The following DENND2A variants were observed in gnomAD, a reference collection of about 807,000 sequenced individuals.
DENND2A encodes the protein DENN domain containing 2A, also known as DENN domain-containing protein 2A.
Under a neutral mutation model 105.3 loss-of-function variants are expected in DENND2A, and 53 were observed. The observed-to-expected ratio is 0.50, with a 90% CI of 0.40 to 0.63. The LOEUF (loss-of-function observed/expected upper bound fraction) is 0.63, where lower values mean the gene tolerates loss of function less well. DENND2A is among the 30% of genes least tolerant of loss of function. The pLI, the probability that DENND2A is intolerant of heterozygous loss-of-function variation, is 0.00. For synonymous variants in DENND2A, 522 were observed against 508.4 expected (o/e 1.03, Z -0.36); for missense variants, 1,138 against 1,279.6 (o/e 0.89, Z 1.69).
chr7:140,519,814 T>G (rs1057444532), intron 18 of DENND2A, 96 bp from the exon 19 acceptor site: 2 of 1,113,852 alleles, frequency 1.8e-6, no homozygotes, highest in East Asian at 4.7e-5. Flanking sequence ...GAAACCTTGT[T>G]TCTGAGACTA....
intron 7 of DENND2A, 92 bp downstream of exon 7, chr7:140,569,553 T>A (rs1798003567): frequency 1.0e-5 from 9 of 880,572 alleles, no homozygotes; most frequent in Non-Finnish European, 1.7e-5. Context: ...TTCTCCTCCT[T>A]GGTGAGCCAA....
At chr7:140,589,815 A>G (rs1355155001) in intron 3 of DENND2A, among the ~76,000 whole-genome samples, 1 of 152,108 alleles carries the variant, frequency 6.6e-6, no homozygotes, top group Non-Finnish European at 1.5e-5. Context: ...TTTTGTAGAA[A>G]TGGAGGTCTT....
chr7:140,537,154 A>G lies in DENND2A; in HGVS notation c.2327+7464T>C, dbSNP rs138519333. On this transcript the variant is annotated intron_variant, in intron 14 of 19. Coordinates refer to ENST00000496613, the MANE Select transcript of DENND2A (RefSeq NM_015689.5). Reference sequence around the variant, plus strand: ...CTAGAGAGGTGTGGTGAGAAGCCCAACCTCCTGGGATGGCAAATGTTGCTG... The same window carrying G: ...CTAGAGAGGTGTGGTGAGAAGCCCAGCCTCCTGGGATGGCAAATGTTGCTG... 7.1e-4 allele frequency among the ~76,000 whole-genome samples: 108 copies of G among 152,134 alleles called. 4 individuals carry two copies. The highest frequency in any genetic ancestry group is 2.5e-3 in the African/African-American group (102 of 41,516).
In DENND2A at chr7:140,568,744, C is replaced by T. The variant is rs375400818; in HGVS notation, c.1591+19G>A. On this transcript the variant is annotated intron_variant, in intron 8 of 19. Coordinates refer to ENST00000496613, the MANE Select transcript of DENND2A (RefSeq NM_015689.5). ...CCAAGTCACCTGCCTGAGTCCTGCA[C>T]AGTAGTGGCTCTCCTCACCTTTCAG... is the stretch of plus-strand genomic sequence containing the variant. The T allele has an allele frequency of 1.2e-6, 2 of 1,613,886 alleles. No homozygotes were observed. The highest frequency in any genetic ancestry group is 2.7e-5 in the African/African-American group (2 of 74,928).
intron 6 of DENND2A, among the ~76,000 whole-genome samples, chr7:140,570,861 T>G (rs779166301): frequency 6.6e-6 from 1 of 152,184 alleles, no homozygotes; most frequent in Non-Finnish European, 1.5e-5. Flanking sequence ...CCAAAAAAGT[T>G]TGGTGTTTCC....
chr7:140,528,916 C>T (rs1796157556), intron 14 of DENND2A, among the ~76,000 whole-genome samples: 1 of 152,030 alleles, frequency 6.6e-6, no homozygotes, highest in African/African-American at 2.4e-5. Context: ...CCAGGCTGGC[C>T]AACATGGTGA....
chr7:140,527,817 A>ATTTATTTAT lies in DENND2A; in HGVS notation c.2328-323_2328-322insATAAATAAA, dbSNP rs539829097. 9.1e-6 allele frequency among the ~76,000 whole-genome samples: 1 copy of ATTTATTTAT among 109,804 alleles called. No homozygotes were observed. The highest frequency in any genetic ancestry group is 7.9e-5 in the Admixed American group (1 of 12,664). The allele number at this position is 109,804 out of a possible 152,430, so 72.0% of individuals were successfully genotyped here. ...CTATACTCTTGTAAGGTTTTTATTT[A>ATTTATTTAT]TTATTTATTTATTTATTTATATTTT... is the stretch of plus-strand genomic sequence containing the variant. On this transcript the variant is annotated intron_variant, in intron 14 of 19. Transcript: ENST00000496613. This position sits in a 1 kb window ranked among gnomAD's most constrained non-coding sequence, Gnocchi z 4.9.
At chr7:140,561,696 GTAGAGACAGGGT>G (rs746415112) in intron 9 of DENND2A, among the ~76,000 whole-genome samples, 213 of 138,034 alleles carry the variant, frequency 1.5e-3, no homozygotes, top group Non-Finnish European at 2.3e-3. Context: ...TGTATTTTCA[GTAGAGACAGGGT>G]TTCACCATGT....
At chr7:140,536,485 G>A (rs1796460292) in intron 14 of DENND2A, among the ~76,000 whole-genome samples, 1 of 152,126 alleles carries the variant, frequency 6.6e-6, no homozygotes, top group Admixed American at 6.5e-5. Context: ...TCCAAGAGAA[G>A]AACTGGAATA....
At chr7:140,547,554 A>G (rs75350819) in intron 12 of DENND2A, among the ~76,000 whole-genome samples, 1 of 152,162 alleles carries the variant, frequency 6.6e-6, no homozygotes, top group Admixed American at 6.6e-5. Context: ...TAGTGAAGCT[A>G]CTCTGGAGAA....
intron 9 of DENND2A, among the ~76,000 whole-genome samples, chr7:140,562,696 C>A: frequency 7.7e-6 from 1 of 129,502 alleles, no homozygotes; most frequent in Admixed American, 7.4e-5. Flanking sequence ...AACAAAAAAA[C>A]CCGCTTCCAG....
intron 1 of DENND2A, among the ~76,000 whole-genome samples, chr7:140,629,589 G>T (rs1052470815): frequency 2.0e-5 from 3 of 152,142 alleles, no homozygotes; most frequent in South Asian, 2.1e-4. Context: ...AAATAAGGAG[G>T]CCACAGAATG....
At chr7:140,636,088 G>A (rs1800919936) in intron 1 of DENND2A, among the ~76,000 whole-genome samples, 3 of 152,300 alleles carry the variant, frequency 2.0e-5, no homozygotes, top group South Asian at 4.1e-4. Context: ...TGGGGTACAA[G>A]TGGAGGCTGT....
chr7:140,635,141 T>C (rs1323468414), intron 1 of DENND2A, among the ~76,000 whole-genome samples: 4 of 151,776 alleles, frequency 2.6e-5, no homozygotes, highest in Non-Finnish European at 5.9e-5. Flanking sequence ...TGCGCACCTA[T>C]AGTCCCCGCT....
chr7:140,566,102 G>A (rs1797824563), intron 9 of DENND2A, among the ~76,000 whole-genome samples: 2 of 152,142 alleles, frequency 1.3e-5, no homozygotes, highest in Non-Finnish European at 2.9e-5. Flanking sequence ...TGCAATCTCT[G>A]CTCACTGCAA....
intron 3 of DENND2A, among the ~76,000 whole-genome samples, chr7:140,598,528 G>A (rs1799366106): frequency 1.3e-5 from 2 of 152,168 alleles, no homozygotes; most frequent in South Asian, 4.1e-4. Flanking sequence ...ATTCTTTGTA[G>A]ACAATATGGT....
chr7:140,631,758 G>A (rs952095274), intron 1 of DENND2A, among the ~76,000 whole-genome samples: 1 of 152,128 alleles, frequency 6.6e-6, no homozygotes, highest in African/African-American at 2.4e-5. Flanking sequence ...TGACAAATCT[G>A]AACAAATCTC....
chr7:140,611,619 C>T (rs1051195168), intron 1 of DENND2A, among the ~76,000 whole-genome samples: 5 of 152,092 alleles, frequency 3.3e-5, no homozygotes, highest in Non-Finnish European at 7.3e-5. Flanking sequence ...TCTATCTGTA[C>T]AATGGAATTC....
rs372774479 is a variant in DENND2A at position 140,527,358 on chromosome 7, G to C, written c.2465C>G (p.Ser822Cys). The C allele has an allele frequency of 7.7e-5, 124 of 1,601,738 alleles. No homozygotes were observed. The South Asian group carries it at 8.2e-4, about 11-fold the overall frequency. The change falls in exon 15 of 20, where the codon TCC becomes TGC. Residue 822 changes from serine to cysteine, a missense_variant. Ser to Cys is a moderately radical substitution (Grantham distance 112, BLOSUM62 -1). This residue lies in a region of DENND2A where 627 missense variants were observed against 779.8 expected (regional missense o/e 0.80). Coordinates refer to ENST00000496613, the MANE Select transcript of DENND2A (RefSeq NM_015689.5). The surrounding 1 kb of genome is among the most constrained non-coding windows in gnomAD (Gnocchi z 4.9). ...CTCCCTGAGCAGTGGCAGCGAGCTG[G>C]AGAGCAGCCCGATGAGGAAGGGCGT... is the stretch of plus-strand genomic sequence containing the variant. ...SPTPFLIGLLSSSLPLLRELP... is the reference protein window; with the variant it reads ...SPTPFLIGLLCSSLPLLRELP...
Sources: allele counts gnomAD v4.1 joint callset (sites outside exome capture counted in the v4.1 genomes callset), GRCh38; gene constraint gnomAD v4.1.1; regional missense constraint gnomAD v4.1.1; non-coding constraint Gnocchi (gnomAD v3.1); transcripts MANE v1.5; gene names NCBI Gene and HGNC (gene_info 2026-07-23, HGNC 2026-07-21).